The following CGNL1 variants were observed in gnomAD, a reference collection of about 807,000 sequenced individuals.
The protein encoded by CGNL1 is cingulin-like protein 1.
CGNL1 carries 132 observed loss-of-function variants against 141.2 expected under a neutral mutation model. The ratio of observed to expected loss-of-function variants is 0.93; its 90% CI spans 0.81 to 1.08. The LOEUF (loss-of-function observed/expected upper bound fraction) is 1.08. Ranked by LOEUF, CGNL1 falls within the 50% of genes least tolerant of loss-of-function variation. The pLI, the probability that CGNL1 is intolerant of heterozygous loss-of-function variation, is 0.00. For missense variants in CGNL1, 1,870 were observed against 1,588.6 expected (o/e 1.18, Z -3.01); for synonymous variants, 690 against 622.1 (o/e 1.11, Z -1.63).
chr15:57,527,890 A>G (rs1218175869), intron 12 of CGNL1, among the ~76,000 whole-genome samples: 1 of 152,212 alleles, frequency 6.6e-6, no homozygotes, highest in Non-Finnish European at 1.5e-5. Context: ...CAGGTAGACA[A>G]TAAATTACCC....
intron 1 of CGNL1, among the ~76,000 whole-genome samples, chr15:57,409,037 T>TCTCACACACACACACACACA (rs143760210): frequency 7.1e-6 from 1 of 141,736 alleles, no homozygotes; most frequent in African/African-American, 2.7e-5. Context: ...TGAGACTCTG[T>TCTCACACACACACACACACA]CACACACACA....
At chr15:57,402,743 T>C (rs2062674215) in intron 1 of CGNL1, 1 of 152,252 alleles carries the variant, frequency 6.6e-6, no homozygotes, top group South Asian at 2.1e-4. Context: ...AAGTACCCAA[T>C]GGCATTGAGG....
chr15:57,424,686 G>A (rs1332835293), intron 1 of CGNL1, among the ~76,000 whole-genome samples: 3 of 152,118 alleles, frequency 2.0e-5, no homozygotes, highest in Non-Finnish European at 4.4e-5. Flanking sequence ...ACACATAAAC[G>A]ATGCCCTTAC....
At chr15:57,455,058 C>G (rs575373647) in intron 7 of CGNL1, among the ~76,000 whole-genome samples, 10 of 151,988 alleles carry the variant, frequency 6.6e-5, no homozygotes, top group African/African-American at 1.4e-4. Context: ...AGTTTTGATA[C>G]CTGCTTTTAA....
intron 8 of CGNL1, among the ~76,000 whole-genome samples, chr15:57,514,634 C>T (rs1426611753): frequency 1.3e-5 from 2 of 152,114 alleles, no homozygotes; most frequent in Non-Finnish European, 2.9e-5. Flanking sequence ...TCTGTTCGTT[C>T]TTTTGTCACT....
chr15:57,465,790 G>A (rs1359608362), intron 8 of CGNL1, among the ~76,000 whole-genome samples: 1 of 152,054 alleles, frequency 6.6e-6, no homozygotes, highest in African/African-American at 2.4e-5. Flanking sequence ...ACCCCCTAAA[G>A]TGCTATTTTA....
chr15:57,380,063 T>G (rs1664467), intron 1 of CGNL1, among the ~76,000 whole-genome samples: 9 of 152,150 alleles, frequency 5.9e-5, no homozygotes, highest in African/African-American at 2.2e-4. Context: ...TTTGAGACTC[T>G]GCTCTGTCAC....
chr15:57,483,981 G>A (rs2063757874), intron 8 of CGNL1, among the ~76,000 whole-genome samples: 1 of 152,046 alleles, frequency 6.6e-6, no homozygotes, highest in African/African-American at 2.4e-5. Context: ...AAAAATTGCT[G>A]ACTTTTATTT....
intron 8 of CGNL1, among the ~76,000 whole-genome samples, chr15:57,515,419 A>G (rs1334741213): frequency 1.3e-5 from 2 of 152,236 alleles, no homozygotes; most frequent in African/African-American, 2.4e-5. Context: ...AACAGGCTAT[A>G]TAAGTGAGCA....
intron 1 of CGNL1, among the ~76,000 whole-genome samples, chr15:57,401,345 G>A (rs1485484687): frequency 6.6e-6 from 1 of 152,200 alleles, no homozygotes; most frequent in African/African-American, 2.4e-5. Context: ...CATTGAGCCA[G>A]TGCGCCCAGC....
At chr15:57,516,158 C>CAAAAAAAAAAAA (rs10559176) in intron 8 of CGNL1, among the ~76,000 whole-genome samples, 13 of 73,262 alleles carry the variant, frequency 1.8e-4, no homozygotes, top group Admixed American at 3.2e-4. Flanking sequence ...GACTCTGTCT[C>CAAAAAAAAAAAA]AAAAAAAAAA....
At chr15:57,500,617 A>C (rs1052916380) in intron 8 of CGNL1, among the ~76,000 whole-genome samples, 4 of 150,618 alleles carry the variant, frequency 2.7e-5, no homozygotes, top group Non-Finnish European at 5.9e-5. Flanking sequence ...GAGAACTATC[A>C]GTTTTGTGAA....
intron 1 of CGNL1, among the ~76,000 whole-genome samples, chr15:57,418,841 G>A (rs1296476443): frequency 1.3e-5 from 2 of 152,276 alleles, no homozygotes; most frequent in African/African-American, 2.4e-5. Flanking sequence ...CTGGCCGTCC[G>A]ACATGCCAGA....
intron 10 of CGNL1, among the ~76,000 whole-genome samples, chr15:57,522,127 C>A (rs1175700017): frequency 6.6e-6 from 1 of 152,218 alleles, no homozygotes. Context: ...CCCCCCCACA[C>A]TGAACTTCTG....
chr15:57,394,788 T>C (rs2062584627), intron 1 of CGNL1, among the ~76,000 whole-genome samples: 1 of 152,218 alleles, frequency 6.6e-6, no homozygotes, highest in African/African-American at 2.4e-5. Flanking sequence ...AACAATATTT[T>C]CAGTTACTTT....
chr15:57,459,816 A>G (rs1207781390), intron 7 of CGNL1, among the ~76,000 whole-genome samples: 5 of 152,196 alleles, frequency 3.3e-5, no homozygotes, highest in Non-Finnish European at 7.3e-5. Context: ...ACAAGAGCAA[A>G]GAACAAAGGA....
chr15:57,413,533 C>T (rs1382456815), intron 1 of CGNL1, among the ~76,000 whole-genome samples: 1 of 151,714 alleles, frequency 6.6e-6, no homozygotes. Context: ...CCATCCATCC[C>T]CCTCAGCCTC....
At chr15:57,507,542 A>G (rs1958898724) in intron 8 of CGNL1, among the ~76,000 whole-genome samples, 1 of 152,204 alleles carries the variant, frequency 6.6e-6, no homozygotes, top group African/African-American at 2.4e-5. Flanking sequence ...ATATGATTAA[A>G]AGGGAGTATC....
At chr15:57,406,338 G>T (rs1312099204) in intron 1 of CGNL1, among the ~76,000 whole-genome samples, 3 of 152,122 alleles carry the variant, frequency 2.0e-5, no homozygotes, top group Non-Finnish European at 4.4e-5. Flanking sequence ...TGTGTTCTGG[G>T]AACAGCAAGG....
Sources: gnomAD v4.1 joint callset for allele counts (sites outside exome capture counted in the v4.1 genomes callset) on GRCh38, gnomAD v4.1.1 for gene constraint, MANE v1.5 for transcripts, NCBI Gene and HGNC (gene_info 2026-07-23, HGNC 2026-07-21) for gene names.